IL23R: variants seen among roughly 807,000 people sequenced by gnomAD.
IL23R encodes the protein interleukin-23 receptor.
A neutral mutation model predicts 56.9 loss-of-function variants in IL23R; 34 were observed. The observed-to-expected ratio is 0.60, with a 90% confidence interval of 0.45 to 0.80. IL23R has a LOEUF of 0.80. Ranked by LOEUF, IL23R falls within the 30% of genes least tolerant of loss-of-function variation. The probability of loss-of-function intolerance (pLI) is 0.00; values close to 1 mark genes in which losing one functional copy is unlikely to be tolerated. For synonymous variants in IL23R, 230 were observed against 249.2 expected, an observed-to-expected ratio of 0.92 and a Z score of 0.73; for missense variants, 635 against 730.0, an observed-to-expected ratio of 0.87 and a Z score of 1.50.
chr1:67,235,183 C>T (rs1013220215), intron 7 of IL23R, among the ~76,000 whole-genome samples: 3 of 152,132 alleles, frequency 2.0e-5, no homozygotes, highest in East Asian at 3.9e-4. Flanking sequence ...AGAGACTTAG[C>T]GAGGCATTGA....
intron 1 of IL23R, among the ~76,000 whole-genome samples, chr1:67,160,621 A>T (rs1646810090): frequency 6.6e-6 from 1 of 152,226 alleles, no homozygotes. Flanking sequence ...CAAGTGAATG[A>T]GAAGATCTGC....
chr1:67,153,630 G>T (rs536217619), intron 1 of IL23R, among the ~76,000 whole-genome samples: 7 of 152,262 alleles, frequency 4.6e-5, no homozygotes, highest in African/African-American at 7.2e-5. Context: ...GTGTCCCAGA[G>T]ATTCTGGTAC....
chr1:67,161,834 G>A (rs905270272), upstream of IL23R, among the ~76,000 whole-genome samples: 4 of 151,866 alleles, frequency 2.6e-5, no homozygotes, highest in Non-Finnish European at 5.9e-5. Context: ...CACCATGTTG[G>A]CCAGGATGGT....
intron 1 of IL23R, among the ~76,000 whole-genome samples, chr1:67,139,648 C>T (rs1041516475): frequency 6.6e-6 from 1 of 152,180 alleles, no homozygotes; most frequent in Admixed American, 6.5e-5. Flanking sequence ...TATTTGTCCC[C>T]TCCGAAAGTC....
intron 6 of IL23R, among the ~76,000 whole-genome samples, chr1:67,213,030 C>G (rs1336883571): frequency 1.3e-5 from 2 of 152,070 alleles, no homozygotes; most frequent in Non-Finnish European, 2.9e-5. Context: ...TCGGGCACCA[C>G]GTCTGGCTTC....
intron 3 of IL23R, among the ~76,000 whole-genome samples, chr1:67,170,563 G>A (rs1240677293): frequency 1.3e-5 from 2 of 152,118 alleles, no homozygotes; most frequent in South Asian, 2.1e-4. Context: ...GGGCTGGCTC[G>A]TATAATTATA....
intron 7 of IL23R, among the ~76,000 whole-genome samples, chr1:67,234,313 A>C (rs1651313466): frequency 6.6e-6 from 1 of 152,172 alleles, no homozygotes; most frequent in South Asian, 2.1e-4. Flanking sequence ...TTCCTTGTGA[A>C]ATTTCCCTAT....
At chr1:67,241,953 A>G (rs1206635566) in intron 9 of IL23R, among the ~76,000 whole-genome samples, 1 of 152,342 alleles carries the variant, frequency 6.6e-6, no homozygotes, top group East Asian at 1.9e-4. Context: ...ATACATCATA[A>G]GTGCCAGCAG....
At chr1:67,235,481 C>T (rs1226865289) in intron 7 of IL23R, among the ~76,000 whole-genome samples, 1 of 151,892 alleles carries the variant, frequency 6.6e-6, no homozygotes, top group East Asian at 1.9e-4. Flanking sequence ...GCAGCCTCCA[C>T]CTCCCGGGTT....
intron 9 of IL23R, among the ~76,000 whole-genome samples, chr1:67,246,220 G>C (rs967469793): frequency 6.6e-6 from 1 of 151,814 alleles, no homozygotes; most frequent in South Asian, 2.1e-4. Context: ...TATTAGTCTG[G>C]CTAGCAGTCT....
At chr1:67,147,844 C>T (rs1192937102) in intron 1 of IL23R, among the ~76,000 whole-genome samples, 3 of 152,160 alleles carry the variant, frequency 2.0e-5, no homozygotes, top group Non-Finnish European at 2.9e-5. Context: ...ATACCTATTA[C>T]TTTGTTTACC....
Position 67,259,124 on chromosome 1 carries a change from A to T in IL23R, c.1886A>T (p.Lys629Met), listed in dbSNP as rs768672135. The T allele has an allele frequency of 6.2e-7, 1 of 1,613,858 alleles. No homozygotes were observed. Among genetic ancestry groups the T allele is most frequent in the African/African-American group, 1.3e-5 (1 of 75,038 alleles). The change falls in exon 11 of 11, where the codon AAG (lysine) becomes ATG (methionine). Residue 629 changes from lysine (K) to methionine (M), a missense_variant. By Grantham distance (95) the Lys-to-Met change is moderately conservative. Transcript: ENST00000347310. ...TTCAATAGGATTTCACTCTTGGAAA[A>T]GTAGAGCTGTGTGGTCAAAATCAAT... ...SHFNRISLLE[K>M]
chr1:67,202,628 C>T (rs1231235875), intron 5 of IL23R, among the ~76,000 whole-genome samples: 1 of 152,144 alleles, frequency 6.6e-6, no homozygotes, highest in Non-Finnish European at 1.5e-5. Context: ...GGTTTGATGG[C>T]ATTAAAAAAT....
rs1465782053 is a variant in IL23R, at chr1:67,219,573, G to A, written c.799-1G>A. On this transcript the variant is annotated splice_acceptor_variant, in intron 6 of 10. Coordinates refer to ENST00000347310, the MANE Select transcript of IL23R (RefSeq NM_144701.3). LOFTEE classifies it high-confidence loss of function. Reference sequence around the variant, plus strand: ...TTATTATTGTTACCCATCCATTTTAGGTTAAAGAATTTGACACCAATTTTA... The same window carrying A: ...TTATTATTGTTACCCATCCATTTTAAGTTAAAGAATTTGACACCAATTTTA... The A allele has an allele frequency of 1.2e-6, 2 of 1,613,218 alleles. No individual in the cohort carries two copies. The highest frequency in any genetic ancestry group is 1.7e-6 in the Non-Finnish European group (2 of 1,179,592).
At chr1:67,257,467 A>C (rs1653011928) in intron 10 of IL23R, among the ~76,000 whole-genome samples, 1 of 152,026 alleles carries the variant, frequency 6.6e-6, no homozygotes, top group South Asian at 2.1e-4. Flanking sequence ...CTTTCAAATA[A>C]CATCACATTG....
chr1:67,180,190 G>T (rs658651), intron 3 of IL23R, among the ~76,000 whole-genome samples: 1 of 152,078 alleles, frequency 6.6e-6, no homozygotes, highest in Non-Finnish European at 1.5e-5. Context: ...TTTCTGTCTC[G>T]TTGATCTGTC....
intron 4 of IL23R, among the ~76,000 whole-genome samples, chr1:67,199,120 A>G (rs567895876): frequency 2.0e-5 from 3 of 152,306 alleles, no homozygotes; most frequent in Admixed American, 2.0e-4. Flanking sequence ...ATCTCACTAT[A>G]TGCACTCACT....
chr1:67,214,839 G>A (rs1315321107), intron 6 of IL23R, among the ~76,000 whole-genome samples: 2 of 152,136 alleles, frequency 1.3e-5, no homozygotes, highest in African/African-American at 4.8e-5. Context: ...GCAAAGACAG[G>A]CAACCCAGCA....
chr1:67,164,631 C>CAAAATAAAATAAAATAAAATAAAAT (rs10645092), upstream of IL23R, among the ~76,000 whole-genome samples: 95 of 107,000 alleles, frequency 8.9e-4, no homozygotes, highest in African/African-American at 3.2e-3. Context: ...AACTCTGTCA[C>CAAAATAAAATAAAATAAAATAAAAT]AAAATAAAAT....
Sources: gnomAD v4.1 joint callset for allele counts (sites outside exome capture counted in the v4.1 genomes callset) on GRCh38, gnomAD v4.1.1 for gene constraint, MANE v1.5 for transcripts, NCBI Gene and HGNC (gene_info 2026-07-23, HGNC 2026-07-21) for gene names.